The following NAV1 variants were observed in gnomAD, a reference collection of about 807,000 sequenced individuals.
NAV1 encodes the protein neuron navigator 1.
Under a neutral mutation model 175.2 loss-of-function variants are expected in NAV1, and 18 were observed. The observed-to-expected ratio is 0.10, with a 90% CI of 0.07 to 0.15. The LOEUF (loss-of-function observed/expected upper bound fraction) is 0.15, where lower values mean the gene tolerates loss of function less well. Among genes scored for constraint, NAV1 ranks in the 10% least tolerant of loss-of-function variants. The pLI is 1.00. For missense variants in NAV1, 1,731 were observed against 2,436.6 expected (o/e 0.71, Z 6.10); for synonymous variants, 897 against 978.7 (o/e 0.92, Z 1.56).
intron 2 of NAV1, among the ~76,000 whole-genome samples, chr1:201,609,720 C>T (rs553946766): frequency 1.3e-5 from 2 of 152,280 alleles, no homozygotes; most frequent in East Asian, 3.9e-4. Context: ...GCACTGAGCT[C>T]TCCCAGCCCC....
chr1:201,560,708 C>G (rs989377647), intron 1 of NAV1, among the ~76,000 whole-genome samples: 2 of 152,248 alleles, frequency 1.3e-5, no homozygotes, highest in Admixed American at 6.5e-5. Flanking sequence ...GATGTTTGTA[C>G]AGATGTGCAT....
intron 1 of NAV1, among the ~76,000 whole-genome samples, chr1:201,657,528 G>A (rs1669452432): frequency 6.6e-6 from 1 of 152,132 alleles, no homozygotes. Context: ...TTTGGAACAA[G>A]ACCTGATAGG....
In NAV1 at chr1:201,813,706, C is replaced by T. The variant is rs1285152629; in HGVS notation, c.5340+448C>T. On this transcript the variant is annotated intron_variant, in intron 28 of 29. Coordinates refer to ENST00000367296, the Ensembl canonical transcript of NAV1. This position sits in a 1 kb window ranked among gnomAD's most constrained non-coding sequence, Gnocchi z 4.2. ...AAAGGAGACATCACCTTCTGCTCTACCTAAATCACTGGAGTCTTTTGAAGA... is the reference window on the plus strand; with the variant it reads ...AAAGGAGACATCACCTTCTGCTCTATCTAAATCACTGGAGTCTTTTGAAGA... Among the ~76,000 whole-genome samples the T allele has an allele frequency of 1.3e-5, 2 of 150,920 alleles. No individual in the cohort carries two copies. The highest frequency in any genetic ancestry group is 2.4e-5 in the African/African-American group (1 of 41,258).
At chr1:201,550,029 A>G (rs1215600374) in intron 1 of NAV1, among the ~76,000 whole-genome samples, 3 of 148,314 alleles carry the variant, frequency 2.0e-5, no homozygotes, top group Non-Finnish European at 4.5e-5. Context: ...AAAAAAAAAA[A>G]AAAAAAGACC....
At chr1:201,766,642 A>C (rs951212711) in intron 3 of NAV1, among the ~76,000 whole-genome samples, 11 of 152,138 alleles carry the variant, frequency 7.2e-5, no homozygotes, top group African/African-American at 2.7e-4. Flanking sequence ...GTTGCCATCA[A>C]AGGGATCAGC....
chr1:201,605,818 A>C (rs978407617), intron 2 of NAV1, among the ~76,000 whole-genome samples: 36 of 152,188 alleles, frequency 2.4e-4, no homozygotes, highest in Non-Finnish European at 1.5e-5. Flanking sequence ...TACCATAAAC[A>C]AGATTTGGGG....
At chr1:201,785,376 T>C (rs779173855) in intron 8 of NAV1, 25 bp downstream of exon 12, 1 of 1,610,202 alleles carries the variant, frequency 6.2e-7, no homozygotes, top group Non-Finnish European at 8.5e-7. Flanking sequence ...TGTTTTTTCT[T>C]CCCTATAAAT....
exon 7 of NAV1, chr1:201,783,742 C>A (rs1676502315): frequency 6.2e-7 from 1 of 1,614,164 alleles, no homozygotes; most frequent in South Asian, 1.1e-5. Context: ...CCAGTGCCTT[C>A]CCCAGCAGTA....
rs1186581560 is a variant in NAV1 at position 201,810,530 on chromosome 1, G to A, written c.4569G>A (p.Lys1523=). ...TCTGGGGTGGGGGTTCAGGTCTGAA[G>A]GAGAAATGCGTCGACAGCCTGGTGT... is the stretch of plus-strand genomic sequence containing the variant. The change falls in exon 24 of 30, where the codon AAG becomes AAA. Residue 1523 remains lysine, a synonymous_variant. Coordinates refer to ENST00000367296, the Ensembl canonical transcript of NAV1. This position sits in a 1 kb window ranked among gnomAD's most constrained non-coding sequence, Gnocchi z 6.0. The A allele has an allele frequency of 6.2e-7, 1 of 1,609,550 alleles. No individual in the cohort carries two copies. The highest frequency in any genetic ancestry group is 8.5e-7 in the Non-Finnish European group (1 of 1,177,988).
chr1:201,702,407 C>T (rs1322382896), intron 1 of NAV1, among the ~76,000 whole-genome samples: 1 of 152,070 alleles, frequency 6.6e-6, no homozygotes, highest in Non-Finnish European at 1.5e-5. Context: ...ACTCTTGTTG[C>T]CCAGGCTGGA....
intron 1 of NAV1, among the ~76,000 whole-genome samples, chr1:201,581,206 T>G (rs1666849100): frequency 6.6e-6 from 1 of 152,192 alleles, no homozygotes; most frequent in African/African-American, 2.4e-5. Flanking sequence ...GAGCAGGTTT[T>G]TGTTACGGTT....
At chr1:201,602,667 G>GTTTTTTTTTTTTTGGTT (rs374267102) in intron 2 of NAV1, among the ~76,000 whole-genome samples, 1 of 120,680 alleles carries the variant, frequency 8.3e-6, no homozygotes, top group Non-Finnish European at 1.8e-5. Flanking sequence ...TTTTTTTTTG[G>GTTTTTTTTTTTTTGGTT]TTTTTTTTTT....
chr1:201,623,670 G>A (rs1332211789), intron 1 of NAV1, 64 bp downstream of exon 3: 2 of 985,958 alleles, frequency 2.0e-6, no homozygotes, highest in African/African-American at 3.5e-5. Flanking sequence ...GGGGCAAGCC[G>A]GAAGAGGACA....
At chr1:201,739,413 T>C (rs915064580) in intron 3 of NAV1, 1 of 152,226 alleles carries the variant, frequency 6.6e-6, no homozygotes, top group African/African-American at 2.4e-5. Context: ...TTTTAGGCAA[T>C]GCACTGACCC....
At chr1:201,708,818 T>C (rs1671777176) in intron 1 of NAV1, among the ~76,000 whole-genome samples, 1 of 152,092 alleles carries the variant, frequency 6.6e-6, no homozygotes, top group South Asian at 2.1e-4. Context: ...CAGAGACACA[T>C]GGAGGCAGCC....
chr1:201,684,705 C>T (rs969340178), intron 1 of NAV1, among the ~76,000 whole-genome samples: 1 of 151,994 alleles, frequency 6.6e-6, no homozygotes, highest in African/African-American at 2.4e-5. Flanking sequence ...GAACTCCTGA[C>T]CTCAGGTGAT....
chr1:201,793,725 C>T, intron 13 of NAV1, 67 bp from the exon 18 acceptor site: 1 of 1,365,582 alleles, frequency 7.3e-7, no homozygotes, highest in Non-Finnish European at 1.0e-6. Context: ...AACTATTTCC[C>T]ATTGTCAGTT....
intron 28 of NAV1, among the ~76,000 whole-genome samples, chr1:201,815,423 T>C (rs1678967789): frequency 6.6e-6 from 1 of 152,070 alleles, no homozygotes; most frequent in South Asian, 2.1e-4. Context: ...ATTCTGTCAT[T>C]TGCAACAACA....
At chr1:201,635,782 G>A (rs1474316368) in intron 2 of NAV1, among the ~76,000 whole-genome samples, 1 of 152,186 alleles carries the variant, frequency 6.6e-6, no homozygotes, top group African/African-American at 2.4e-5. Flanking sequence ...AACCTGCAGC[G>A]ATCTGCTTCA....
Sources: gnomAD v4.1 joint callset for allele counts (sites outside exome capture counted in the v4.1 genomes callset) on GRCh38, gnomAD v4.1.1 for gene constraint, Gnocchi (gnomAD v3.1) non-coding constraint, MANE v1.5 for transcripts, NCBI Gene and HGNC (gene_info 2026-07-23, HGNC 2026-07-21) for gene names.